Variants in NCKAP5 observed in about 807,000 individuals in gnomAD.
NCKAP5 encodes NCK associated protein 5, also known as nck-associated protein 5.
A neutral mutation model predicts 167.0 loss-of-function variants in NCKAP5; 92 were observed. The observed-to-expected ratio is 0.55, with a 90% CI of 0.47 to 0.66. NCKAP5 has a LOEUF of 0.66. Ranked by LOEUF, NCKAP5 falls within the 30% of genes least tolerant of loss-of-function variation. NCKAP5 has a pLI of 0.00. For missense variants in NCKAP5, 2,378 were observed against 2,315.0 expected (o/e 1.03, Z -0.56); for synonymous variants, 891 against 877.4 (o/e 1.02, Z -0.27).
intron 8 of NCKAP5, among the ~76,000 whole-genome samples, chr2:132,953,900 T>C (rs912359917): frequency 1.3e-5 from 2 of 152,136 alleles, no homozygotes; most frequent in Non-Finnish European, 2.9e-5. Context: ...CTCTGGACTG[T>C]AGGAGCTTTG....
chr2:133,487,871 T>C (rs1343644296), intron 3 of NCKAP5, among the ~76,000 whole-genome samples: 1 of 152,150 alleles, frequency 6.6e-6, no homozygotes, highest in Non-Finnish European at 1.5e-5. Flanking sequence ...GAGTCCCCTG[T>C]AGGTTCTTGC....
intron 4 of NCKAP5, among the ~76,000 whole-genome samples, chr2:133,233,703 G>A (rs928091840): frequency 6.6e-6 from 1 of 152,170 alleles, no homozygotes; most frequent in African/African-American, 2.4e-5. Context: ...TAGCTGGTAA[G>A]TACCACATTA....
At chr2:133,036,968 T>G (rs574142406) in intron 6 of NCKAP5, among the ~76,000 whole-genome samples, 1 of 152,154 alleles carries the variant, frequency 6.6e-6, no homozygotes, top group East Asian at 1.9e-4. Flanking sequence ...TCAGTAAAGT[T>G]GCAGGATACA....
intron 7 of NCKAP5, among the ~76,000 whole-genome samples, chr2:132,977,087 C>T (rs964352171): frequency 6.6e-6 from 1 of 152,116 alleles, no homozygotes; most frequent in African/African-American, 2.4e-5. Flanking sequence ...ATACTGTATG[C>T]AATTCAACAG....
chr2:133,051,414 T>C (rs1318813141), intron 6 of NCKAP5, among the ~76,000 whole-genome samples: 1 of 152,144 alleles, frequency 6.6e-6, no homozygotes, highest in Non-Finnish European at 1.5e-5. Context: ...TTTTGCCAGA[T>C]GAAACATTTA....
rs924722065 is a variant in NCKAP5, at chr2:132,792,220, C to T, written c.910-2015G>A. ...AATCTCTTTAAGTGATCTAAAAATG[C>T]CAAGAAATTTTACTATCCTATTTCT... On this transcript the variant is annotated intron_variant, in intron 12 of 19. Transcript: ENST00000409261. 7.2e-5 allele frequency among the ~76,000 whole-genome samples: 11 copies of T among 152,272 alleles called. No homozygotes were observed. The South Asian group carries it at 2.3e-3, about 32-fold the overall frequency.
At position 132,687,616 on chromosome 2, in the gene NCKAP5, T is replaced by G. The variant is rs10193601; in HGVS notation, c.5714-14311A>C. The stretch of plus-strand genomic sequence containing the variant: ...TGTTGGGTGCTACCAAAGGATTATT[T>G]AAAATCATGAAAATAATCCAAAAGC... On this transcript the variant is annotated intron_variant, in intron 19 of 19. Coordinates refer to ENST00000409261, the MANE Select transcript of NCKAP5 (RefSeq NM_207363.3). Among the ~76,000 whole-genome samples the G allele has an allele frequency of 5.4e-3, 824 of 151,952 alleles. 6 individuals are homozygous for G. The highest frequency in any genetic ancestry group is 0.019 in the African/African-American group (791 of 41,406).
chr2:133,382,954 T>C (rs1044000518), intron 3 of NCKAP5, among the ~76,000 whole-genome samples: 1 of 152,070 alleles, frequency 6.6e-6, no homozygotes. Flanking sequence ...AATGAAAAAA[T>C]GAACAAATAA....
the NCKAP5 span, among the ~76,000 whole-genome samples, chr2:133,621,448 C>A: frequency 6.6e-6 from 1 of 152,058 alleles, no homozygotes; most frequent in Non-Finnish European, 1.5e-5. Flanking sequence ...GCTATCACAA[C>A]TGATACCACA....
chr2:132,733,312 A>G (rs1691204041), intron 16 of NCKAP5, among the ~76,000 whole-genome samples: 1 of 152,216 alleles, frequency 6.6e-6, no homozygotes, highest in South Asian at 2.1e-4. Flanking sequence ...GGAACAACTT[A>G]GCACTGTGTT....
chr2:133,361,122 A>C (rs2150866895), intron 3 of NCKAP5, among the ~76,000 whole-genome samples: 1 of 152,026 alleles, frequency 6.6e-6, no homozygotes, highest in Middle Eastern at 3.4e-3. Flanking sequence ...TTTCTAAGAG[A>C]ATGCATCAGA....
At chr2:132,881,334 C>T (rs886278095) in intron 8 of NCKAP5, among the ~76,000 whole-genome samples, 1 of 151,950 alleles carries the variant, frequency 6.6e-6, no homozygotes, top group Non-Finnish European at 1.5e-5. Context: ...ACCACCACAC[C>T]TGGCTAATTT....
At chr2:133,442,008 G>C (rs1690890384) in intron 3 of NCKAP5, among the ~76,000 whole-genome samples, 1 of 152,052 alleles carries the variant, frequency 6.6e-6, no homozygotes. Flanking sequence ...TTTCTGAATG[G>C]AACAAAATGT....
intron 7 of NCKAP5, among the ~76,000 whole-genome samples, chr2:132,965,755 A>G (rs1168852286): frequency 1.3e-5 from 2 of 152,174 alleles, no homozygotes; most frequent in Non-Finnish European, 2.9e-5. Context: ...CCTATATACC[A>G]TGTTACTGTA....
At chr2:133,647,394 A>AGGAAGGAG in the NCKAP5 span, among the ~76,000 whole-genome samples, 1 of 123,682 alleles carries the variant, frequency 8.1e-6, no homozygotes, top group African/African-American at 3.8e-5. Context: ...GAAGGAAGGA[A>AGGAAGGAG]GGAAGGAAGG....
At position 132,974,266 on chromosome 2, in the gene NCKAP5, C is replaced by G. The variant is rs185326436; in HGVS notation, c.430-10397G>C. On this transcript the variant is annotated intron_variant, in intron 7 of 19. Transcript: ENST00000409261. ...TCATTTTGAAAATGTAACCATGTGT[C>G]AAATCCACCTACTAATTCATAGCAA... Among the ~76,000 whole-genome samples the G allele has an allele frequency of 9.7e-3, 1,482 of 152,276 alleles. 8 individuals carry two copies. Among genetic ancestry groups the G allele is most frequent in the Middle Eastern group, 0.024 (7 of 294 alleles).
chr2:132,878,359 G>A (rs1009903460), intron 9 of NCKAP5, among the ~76,000 whole-genome samples: 3 of 151,060 alleles, frequency 2.0e-5, no homozygotes, highest in Admixed American at 1.3e-4. Flanking sequence ...TGAATCTACT[G>A]ATTTTTTTCC....
chr2:133,083,352 T>C (rs1243070221), intron 6 of NCKAP5, among the ~76,000 whole-genome samples: 5 of 152,092 alleles, frequency 3.3e-5, no homozygotes, highest in Non-Finnish European at 7.4e-5. Context: ...TGCTCAGCAA[T>C]GGCCTATCTG....
At chr2:133,660,930 C>T in the NCKAP5 span, among the ~76,000 whole-genome samples, 4 of 149,626 alleles carry the variant, frequency 2.7e-5, no homozygotes, top group South Asian at 4.2e-4. Flanking sequence ...ATCACCCAGT[C>T]GCCACGCATA....
Sources: allele counts gnomAD v4.1 joint callset (sites outside exome capture counted in the v4.1 genomes callset), GRCh38; gene constraint gnomAD v4.1.1; transcripts MANE v1.5; gene names NCBI Gene and HGNC (gene_info 2026-07-23, HGNC 2026-07-21).